TNKS1BP1: variants seen among roughly 807,000 people sequenced by gnomAD.
TNKS1BP1 encodes the protein 182 kDa tankyrase-1-binding protein.
In TNKS1BP1, 48 loss-of-function variants were observed where a neutral mutation model predicts 141.1. The ratio of observed to expected loss-of-function variants is 0.34; its 90% CI spans 0.27 to 0.43. The LOEUF (loss-of-function observed/expected upper bound fraction) is 0.43. Ranked by LOEUF, TNKS1BP1 falls within the 20% of genes least tolerant of loss-of-function variation. TNKS1BP1 has a pLI of 1.00. For missense variants in TNKS1BP1, 2,149 were observed against 2,226.0 expected, an observed-to-expected ratio of 0.97 and a Z score of 0.70; for synonymous variants, 875 against 898.2, an observed-to-expected ratio of 0.97 and a Z score of 0.46.
intron 4 of TNKS1BP1, 42 bp downstream of exon 4, chr11:57,317,776 C>CT: frequency 6.3e-7 from 1 of 1,592,288 alleles, no homozygotes; most frequent in South Asian, 1.1e-5. Context: ...CCTTCCAGCT[C>CT]TAAAATACGT....
intron 3 of TNKS1BP1, 89 bp from the exon 4 acceptor site, chr11:57,317,976 T>G (rs935463092): frequency 1.4e-5 from 17 of 1,250,982 alleles, no homozygotes; most frequent in Non-Finnish European, 2.0e-5. Flanking sequence ...CAGTGCAACT[T>G]TAACAGCACC....
chr11:57,312,854 A>G lies in TNKS1BP1; in HGVS notation c.1834T>C (p.Leu612=). The G allele has an allele frequency of 6.2e-7, 1 of 1,610,102 alleles. No individual in the cohort carries two copies. Among genetic ancestry groups the G allele is most frequent in the South Asian group, 1.1e-5 (1 of 90,550 alleles). ...CCCAGGACTGGCTCCAGGATGGGCA[A>G]GGCTGCCTCCCTGGTAGCCAGGGGG... ...PLPLATREAA[L]PILEPVLGQE... The change falls in exon 5 of 12, where the codon TTG becomes CTG. Residue 612 remains leucine, a synonymous_variant. Transcript: ENST00000358252.
intron 1 of TNKS1BP1, 110 bp from the exon 2 acceptor site, chr11:57,322,060 A>T: frequency 9.7e-6 from 4 of 413,774 alleles, no homozygotes; most frequent in Non-Finnish European, 6.8e-6. Flanking sequence ...ACAGGAAGAG[A>T]GAACTTGGAG....
In TNKS1BP1 at chr11:57,312,597, G is replaced by A. The variant is rs148587432; in HGVS notation, c.2091C>T (p.Gly697=). 132 of 1,525,708 alleles carry A rather than the reference G, an allele frequency of 8.7e-5. No homozygotes were observed. In the African/African-American group the frequency reaches 1.4e-3, roughly 16 times the overall value. The allele number at this position is 1,525,708 out of a possible 1,614,324, so 94.5% of individuals were successfully genotyped here. The change falls in exon 5 of 12, where the codon GGC becomes GGT. Residue 697 remains glycine (G), a synonymous_variant. Coordinates refer to ENST00000358252, the MANE Select transcript of TNKS1BP1 (RefSeq NM_033396.3). ...CAGCTCCAGCTCCCCGCCTTGCACC[G>A]CCACCACTGGGTGGTGGTGAAGCCA... ...DLLASPPPSG[G]GARRGAGAEL... is the part of the protein sequence containing the mutation.
chr11:57,316,390 A>C (rs752057898), intron 4 of TNKS1BP1, among the ~76,000 whole-genome samples: 2 of 151,912 alleles, frequency 1.3e-5, no homozygotes, highest in Non-Finnish European at 2.9e-5. Flanking sequence ...TTCCTTTCAA[A>C]TTTGCTCACT....
intron 4 of TNKS1BP1, among the ~76,000 whole-genome samples, chr11:57,317,159 C>T (rs1855811480): frequency 6.6e-6 from 1 of 152,226 alleles, no homozygotes; most frequent in Admixed American, 6.5e-5. Flanking sequence ...ACAGCTATCT[C>T]CAACATCCAG....
At position 57,320,318 on chromosome 11, in the gene TNKS1BP1, C is replaced by T. The variant is rs1430684826; in HGVS notation, c.489G>A (p.Glu163=). 2.5e-6 allele frequency: 4 copies of T among 1,614,082 alleles called. No homozygotes were observed. The Admixed American group carries it at 5.0e-5, about 20-fold the overall frequency. The change falls in exon 3 of 12, where the codon GAG becomes GAA. Residue 163 remains glutamate (E), a synonymous_variant. Coordinates refer to ENST00000358252, the MANE Select transcript of TNKS1BP1 (RefSeq NM_033396.3). ...SERFAATTVE[E]ILAKMEQPRK... ...GAGGCTGCTCCATCTTGGCCAGGAT[C>T]TCTTCCACCGTGGTGGCCGCGAAGC...
chr11:57,302,577 T>C lies in TNKS1BP1; in HGVS notation c.4565A>G (p.Asp1522Gly). Residue 1522 changes from aspartate to glycine, a missense_variant, in exon 7 of 12, where the codon GAT (aspartate) becomes GGT (glycine). Coordinates refer to ENST00000358252, the MANE Select transcript of TNKS1BP1 (RefSeq NM_033396.3). The surrounding 1 kb of genome is among the most constrained non-coding windows in gnomAD (Gnocchi z 5.5). ...GGCTGCTGAAGAGCCCCAGGTGCCA[T>C]CCACGTCTTCTGTCTGGCTGGCCTC... ...DGEASQTEDV[D>G]GTWGSSAARW... The C allele has an allele frequency of 3.1e-6, 5 of 1,613,008 alleles. No individual in the cohort carries two copies. Among genetic ancestry groups the C allele is most frequent in the Non-Finnish European group, 4.2e-6 (5 of 1,179,918 alleles).
intron 1 of TNKS1BP1, 35 bp downstream of exon 1, chr11:57,324,804 GC>G (rs937471503): frequency 1.0e-6 from 1 of 963,572 alleles, no homozygotes; most frequent in African/African-American, 1.9e-5. Context: ...CCCGGACCCC[GC>G]CCCCTCCTTC....
Position 57,313,891 on chromosome 11 carries a change from T to C in TNKS1BP1, c.799-2A>G. 6.7e-7 allele frequency: 1 copy of C among 1,494,940 alleles called. No homozygotes were observed. Among genetic ancestry groups the C allele is most frequent in the Non-Finnish European group, 8.9e-7 (1 of 1,125,200 alleles). The allele number at this position is 1,494,940 out of a possible 1,614,324, so 92.6% of individuals were successfully genotyped here. A position where few individuals can be genotyped will look rare whatever the true frequency, so the allele number is the denominator to read the frequency against. On this transcript the variant is annotated splice_acceptor_variant, in intron 4 of 11. Coordinates refer to ENST00000358252, the MANE Select transcript of TNKS1BP1 (RefSeq NM_033396.3). LOFTEE classifies it high-confidence loss of function. ...TGAGGGAATCCAGGGCTTGGAAATC[T>C]GCAAGAGAAAGAAAGGTCAAGATCC...
chr11:57,311,379 A>T lies in TNKS1BP1; in HGVS notation c.2155-823T>A, dbSNP rs529349296. 3.0e-6 allele frequency: 3 copies of T among 985,368 alleles called. No individual in the cohort carries two copies. The East Asian group carries it at 3.4e-4, about 112-fold the overall frequency. 61.0% of individuals were successfully genotyped at this position (985,368 alleles called of 1,614,324 possible). On this transcript the variant is annotated intron_variant, in intron 5 of 11. Transcript: ENST00000358252. ...GCTGGGCCATGGCCCCCCGCCCCCA[A>T]CCCGCCTTGGGGCTGCTGGGTGCGG... is the stretch of plus-strand genomic sequence containing the variant.
intron 2 of TNKS1BP1, among the ~76,000 whole-genome samples, chr11:57,321,586 T>A (rs1305384917): frequency 6.6e-6 from 1 of 152,230 alleles, no homozygotes; most frequent in South Asian, 2.1e-4. Context: ...CTCTTACACC[T>A]GTTGGAGATT....
rs1050711942 is a variant in TNKS1BP1 at position 57,321,646 on chromosome 11, C to T, written c.94+146G>A. On this transcript the variant is annotated intron_variant, in intron 2 of 11. Coordinates refer to ENST00000358252, the MANE Select transcript of TNKS1BP1 (RefSeq NM_033396.3). ...GTCTCAAGAGAAGCTGAGAACCTTT[C>T]AAACTCATCCTGTACTGCCTTGGTA... The T allele has an allele frequency of 1.8e-5, 16 of 908,238 alleles. No individual in the cohort carries two copies. In the African/African-American group the frequency reaches 2.5e-4, roughly 14 times the overall value. 56.3% of individuals were successfully genotyped at this position (908,238 alleles called of 1,614,324 possible).
rs1159153096 is a variant in TNKS1BP1 at position 57,313,551 on chromosome 11, G to A, written c.1137C>T (p.Ser379=). 1.9e-6 allele frequency: 3 copies of A among 1,580,500 alleles called. No individual in the cohort carries two copies. The highest frequency in any genetic ancestry group is 2.2e-5 in the East Asian group (1 of 44,648). The change falls in exon 5 of 12, where the codon AGC becomes AGT. Residue 379 remains serine, a synonymous_variant. Transcript: ENST00000358252. ...SPPPEVLEPH[S]LDQPPATSPR... Reference sequence around the variant, plus strand: ...GTGAGGTGGCAGGGGGCTGATCCAGGCTATGGGGCTCCAAGACCTCAGGGG... The same window carrying A: ...GTGAGGTGGCAGGGGGCTGATCCAGACTATGGGGCTCCAAGACCTCAGGGG...
Position 57,320,350 on chromosome 11 carries a change from A to C in TNKS1BP1, c.457T>G (p.Ser153Ala), listed in dbSNP as rs1027006531. 1.4e-5 allele frequency: 22 copies of C among 1,613,988 alleles called. No individual in the cohort carries two copies. The highest frequency in any genetic ancestry group is 1.3e-5 in the Non-Finnish European group (15 of 1,180,040). The change falls in exon 3 of 12, where the codon TCA becomes GCA. Residue 153 changes from serine (S) to alanine (A), a missense_variant. By Grantham distance (99) the Ser-to-Ala change is moderately conservative (BLOSUM62 1). Coordinates refer to ENST00000358252, the MANE Select transcript of TNKS1BP1 (RefSeq NM_033396.3). ...RKAPAPFRPA[S>A]ERFAATTVEE... ...ACCGTGGTGGCCGCGAAGCGCTCTG[A>C]GGCTGGGCGGAAAGGGGCAGGGGCC...
chr11:57,320,027 A>AACC, intron 3 of TNKS1BP1, 52 bp downstream of exon 3: 1 of 578,370 alleles, frequency 1.7e-6, no homozygotes, highest in Non-Finnish European at 2.8e-6. Flanking sequence ...ACCCAATCCC[A>AACC]CCCCACCTGA....
chr11:57,317,749 AGAT>A, intron 4 of TNKS1BP1, 66 bp downstream of exon 4: 1 of 1,460,182 alleles, frequency 6.8e-7, no homozygotes, highest in Non-Finnish European at 9.5e-7. Flanking sequence ...GGAGTAGAAA[AGAT>A]GATCTCATAT....
In TNKS1BP1 at chr11:57,313,205, G is replaced by A. The variant is rs1262488632; in HGVS notation, c.1483C>T (p.Pro495Ser). Residue 495 changes from proline to serine, a missense_variant, in exon 5 of 12, where the codon CCG (proline) becomes TCG (serine). Physicochemically the swap from Pro to Ser is moderately conservative, Grantham distance 74. Transcript: ENST00000358252. ...GCTTCAGTGATGGGGGAGGGAGGCG[G>A]GGAGTCCAGCCGCCACACGCCCAGA... ...SGLGVWRLDS[P>S]PPSPITEASE... The A allele has an allele frequency of 2.5e-6, 4 of 1,612,460 alleles. No individual in the cohort carries two copies. The highest frequency in any genetic ancestry group is 2.5e-6 in the Non-Finnish European group (3 of 1,179,878).
chr11:57,321,750 C>T, intron 2 of TNKS1BP1, 42 bp downstream of exon 2: 27 of 1,330,006 alleles, frequency 2.0e-5, no homozygotes, highest in Non-Finnish European at 2.7e-5. Flanking sequence ...TCCTTCCCAC[C>T]CCCCTCCCAG....
Sources: gnomAD v4.1 joint callset for allele counts (sites outside exome capture counted in the v4.1 genomes callset) on GRCh38, gnomAD v4.1.1 for gene constraint, Gnocchi (gnomAD v3.1) non-coding constraint, MANE v1.5 for transcripts, NCBI Gene and HGNC (gene_info 2026-07-23, HGNC 2026-07-21) for gene names.